NRXN1: variants seen among roughly 807,000 people sequenced by gnomAD.
NRXN1 encodes the protein neurexin 1.
Under a neutral mutation model 150.9 loss-of-function variants are expected in NRXN1, and 39 were observed. That is an observed-to-expected ratio of 0.26 (90% CI 0.20 to 0.34). The LOEUF (loss-of-function observed/expected upper bound fraction) is 0.34. Among genes scored for constraint, NRXN1 ranks in the 10% least tolerant of loss-of-function variants. The probability of loss-of-function intolerance (pLI) is 1.00; values close to 1 mark genes in which losing one functional copy is unlikely to be tolerated. For missense variants in NRXN1, 1,815 were observed against 1,949.9 expected, an observed-to-expected ratio of 0.93 and a Z score of 1.30; for synonymous variants, 924 against 757.0, an observed-to-expected ratio of 1.22 and a Z score of -3.62.
chr2:50,185,295 G>A (rs2060993053), intron 18 of NRXN1, among the ~76,000 whole-genome samples: 1 of 152,056 alleles, frequency 6.6e-6, no homozygotes, highest in Admixed American at 6.6e-5. Flanking sequence ...AGGAGAGGCA[G>A]TATAGAATGG....
At chr2:51,000,169 C>T (rs1359202659) in intron 2 of NRXN1, among the ~76,000 whole-genome samples, 2 of 151,988 alleles carry the variant, frequency 1.3e-5, no homozygotes, top group African/African-American at 2.4e-5. Flanking sequence ...GGAGTATTCT[C>T]GCTCAGAGCT....
chr2:50,157,267 TTCTC>T (rs1230183053), intron 18 of NRXN1, among the ~76,000 whole-genome samples: 10 of 152,060 alleles, frequency 6.6e-5, no homozygotes. Context: ...TCATTTGGAC[TTCTC>T]TCTAAGAGTA....
intron 21 of NRXN1, chr2:49,972,615 T>C (rs1678152483): frequency 6.6e-6 from 1 of 152,196 alleles, no homozygotes; most frequent in Non-Finnish European, 1.5e-5. Context: ...CTCTTCTGCT[T>C]TTCCTGAGCT....
chr2:50,127,049 G>A (rs1265412967), intron 18 of NRXN1, among the ~76,000 whole-genome samples: 2 of 151,970 alleles, frequency 1.3e-5, no homozygotes, highest in Non-Finnish European at 2.9e-5. Flanking sequence ...CTTGCAATTA[G>A]GCTGCCTGCC....
intron 2 of NRXN1, among the ~76,000 whole-genome samples, chr2:50,969,302 C>A (rs1290268502): frequency 6.6e-6 from 1 of 152,104 alleles, no homozygotes; most frequent in Non-Finnish European, 1.5e-5. Flanking sequence ...TTTGCTTCTT[C>A]ATTTCCAGTC....
chr2:50,641,252 G>C lies in NRXN1; in HGVS notation c.833-17637C>G, dbSNP rs371751025. On this transcript the variant is annotated intron_variant, in intron 5 of 22. Coordinates refer to ENST00000401669, the MANE Select transcript of NRXN1 (RefSeq NM_001330078.2). Reference sequence around the variant, plus strand: ...TCATAAAAGGCTTTAATACATTTTTGCTTGTGTTTTCTTTACATGTATTTC... The same window carrying C: ...TCATAAAAGGCTTTAATACATTTTTCCTTGTGTTTTCTTTACATGTATTTC... Among the ~76,000 whole-genome samples, 21 of 152,152 alleles carry C rather than the reference G, an allele frequency of 1.4e-4. 1 individual carries two copies. The South Asian group carries it at 3.3e-3, about 24-fold the overall frequency.
chr2:50,026,249 A>T (rs76533496), intron 21 of NRXN1, among the ~76,000 whole-genome samples: 1 of 152,200 alleles, frequency 6.6e-6, no homozygotes, highest in African/African-American at 2.4e-5. Flanking sequence ...GGCACATGCT[A>T]TCTGAAACAC....
chr2:50,651,255 C>T (rs1685571183), intron 5 of NRXN1, among the ~76,000 whole-genome samples: 1 of 151,810 alleles, frequency 6.6e-6, no homozygotes, highest in African/African-American at 2.4e-5. Flanking sequence ...TACCCTCTGG[C>T]CATCCTGAAA....
At chr2:49,980,015 C>T (rs1679720555) in intron 21 of NRXN1, among the ~76,000 whole-genome samples, 2 of 151,322 alleles carry the variant, frequency 1.3e-5, no homozygotes, top group South Asian at 4.2e-4. Flanking sequence ...ACATCTGTGG[C>T]CCCAGGCAAT....
chr2:50,425,864 C>T (rs774981010), intron 17 of NRXN1, among the ~76,000 whole-genome samples: 5 of 152,106 alleles, frequency 3.3e-5, no homozygotes, highest in African/African-American at 1.2e-4. Context: ...TTCTTTCCTA[C>T]GGGACCTTGA....
At chr2:50,950,212 G>A (rs1575029403) in intron 2 of NRXN1, among the ~76,000 whole-genome samples, 1 of 151,984 alleles carries the variant, frequency 6.6e-6, no homozygotes, top group East Asian at 1.9e-4. Flanking sequence ...TAAAACATGT[G>A]TCAAGGTATT....
intron 12 of NRXN1, among the ~76,000 whole-genome samples, chr2:50,517,272 T>C (rs1309339718): frequency 2.0e-5 from 3 of 152,112 alleles, no homozygotes; most frequent in Non-Finnish European, 4.4e-5. Flanking sequence ...GTAACTATCA[T>C]CAGTATTATG....
At chr2:50,560,688 T>G (rs1278096796) in intron 8 of NRXN1, among the ~76,000 whole-genome samples, 1 of 152,104 alleles carries the variant, frequency 6.6e-6, no homozygotes, top group African/African-American at 2.4e-5. Context: ...TGCTTTGGCC[T>G]CCCAAACTAA....
chr2:50,289,326 A>G (rs1392966078), intron 17 of NRXN1, among the ~76,000 whole-genome samples: 1 of 152,150 alleles, frequency 6.6e-6, no homozygotes, highest in Non-Finnish European at 1.5e-5. Context: ...CACAATGCAA[A>G]TGAGGAGTGT....
At chr2:50,620,673 A>G (rs999154671) in intron 7 of NRXN1, among the ~76,000 whole-genome samples, 8 of 152,204 alleles carry the variant, frequency 5.3e-5, no homozygotes, top group African/African-American at 1.7e-4. Flanking sequence ...GCAAGTGCCT[A>G]AGTCCATGCC....
chr2:50,064,548 G>C (rs1471307510), intron 19 of NRXN1, among the ~76,000 whole-genome samples: 1 of 151,844 alleles, frequency 6.6e-6, no homozygotes, highest in Non-Finnish European at 1.5e-5. Flanking sequence ...AACAGTCTTG[G>C]ACTTGATGAA....
intron 21 of NRXN1, among the ~76,000 whole-genome samples, chr2:50,044,388 T>A (rs1357993143): frequency 6.6e-6 from 1 of 152,098 alleles, no homozygotes; most frequent in Non-Finnish European, 1.5e-5. Context: ...ACAGACTTGA[T>A]GGTAATGTCT....
chr2:50,739,851 G>C (rs192279805), intron 5 of NRXN1, among the ~76,000 whole-genome samples: 206 of 152,150 alleles, frequency 1.4e-3, no homozygotes, highest in African/African-American at 4.9e-3. Flanking sequence ...GAGTTATTCA[G>C]GCATATGTCT....
At position 50,563,013 on chromosome 2, in the gene NRXN1, C is replaced by A. The variant is rs116227146; in HGVS notation, c.1321-9988G>T. On this transcript the variant is annotated intron_variant, in intron 8 of 22. Coordinates refer to ENST00000401669, the MANE Select transcript of NRXN1 (RefSeq NM_001330078.2). ...CGCACGTTTTTTCCTTATGAAGATC[C>A]GTTAATAAATTACCAAAAGATATAA... Among the ~76,000 whole-genome samples, 99 of 151,774 alleles carry A rather than the reference C, an allele frequency of 6.5e-4. 2 individuals are homozygous for A. The highest frequency in any genetic ancestry group is 2.3e-3 in the African/African-American group (97 of 41,382).
Sources: allele counts gnomAD v4.1 joint callset (sites outside exome capture counted in the v4.1 genomes callset), GRCh38; gene constraint gnomAD v4.1.1; transcripts MANE v1.5; gene names NCBI Gene and HGNC (gene_info 2026-07-23, HGNC 2026-07-21).